MYO16: variants seen among roughly 807,000 people sequenced by gnomAD.
MYO16 encodes unconventional myosin-XVI.
MYO16 carries 94 observed loss-of-function variants against 205.3 expected under a neutral mutation model. The ratio of observed to expected loss-of-function variants is 0.46; its 90% CI spans 0.39 to 0.54. The LOEUF (loss-of-function observed/expected upper bound fraction) is 0.54, where lower values mean the gene tolerates loss of function less well. MYO16 is among the 20% of genes least tolerant of loss of function. MYO16 has a pLI of 0.00. For synonymous variants in MYO16, 988 were observed against 954.0 expected (o/e 1.04, Z -0.66); for missense variants, 2,315 against 2,387.5 (o/e 0.97, Z 0.63).
rs1345210943 is a variant in MYO16, at chr13:109,125,261, A to G, written c.3685A>G (p.Ile1229Val). The G allele has an allele frequency of 4.3e-6, 7 of 1,613,998 alleles. No homozygotes were observed. The highest frequency in any genetic ancestry group is 5.9e-6 in the Non-Finnish European group (7 of 1,180,024). Residue 1229 changes from isoleucine to valine, a missense_variant, in exon 30 of 35, where the codon ATT (isoleucine) becomes GTT (valine). Physicochemically the swap from Ile to Val is conservative, Grantham distance 29 (BLOSUM62 3). This residue lies in a region of MYO16 where 1,097 missense variants were observed against 1,092.0 expected (regional missense o/e 1.00). Transcript: ENST00000457511. The surrounding 1 kb of genome is among the most constrained non-coding windows in gnomAD (Gnocchi z 4.0). ...DALVIQNASD[I>V]ARENDRLRSE... ...CCTGGTCATTCAGAATGCTTCAGAC[A>G]TTGCCCGGGAAAATGACCGGCTCCG...
intron 1 of MYO16, among the ~76,000 whole-genome samples, chr13:108,602,897 C>T (rs538234045): frequency 1.2e-3 from 185 of 152,230 alleles, no homozygotes; most frequent in African/African-American, 4.3e-3. Context: ...AGTAGTGGAA[C>T]AGGTATGGAA....
intron 23 of MYO16, among the ~76,000 whole-genome samples, chr13:109,035,227 T>TC (rs1396292311): frequency 6.6e-6 from 1 of 152,008 alleles, no homozygotes; most frequent in Non-Finnish European, 1.5e-5. Context: ...GTTTTTTTTT[T>TC]CCCTCTACAA....
chr13:108,709,168 C>A (rs138122093), intron 2 of MYO16, among the ~76,000 whole-genome samples: 1 of 152,092 alleles, frequency 6.6e-6, no homozygotes, highest in Non-Finnish European at 1.5e-5. Context: ...GTTTCCTTGC[C>A]GATTTTGTCA....
chr13:108,782,378 C>A (rs1223539642), intron 4 of MYO16, among the ~76,000 whole-genome samples: 1 of 152,126 alleles, frequency 6.6e-6, no homozygotes, highest in Non-Finnish European at 1.5e-5. Flanking sequence ...GGGTATCTGG[C>A]AGAAGAAATG....
chr13:108,551,115 G>C, the MYO16 span, among the ~76,000 whole-genome samples: 1 of 152,086 alleles, frequency 6.6e-6, no homozygotes, highest in African/African-American at 2.4e-5. Context: ...CTTAAATAGG[G>C]GGGTTCTAAA....
At chr13:109,034,186 G>C (rs781415041) in intron 23 of MYO16, among the ~76,000 whole-genome samples, 1 of 152,132 alleles carries the variant, frequency 6.6e-6, no homozygotes, top group Non-Finnish European at 1.5e-5. Flanking sequence ...GCTACCCTTG[G>C]AAAAAGGAAT....
chr13:108,800,656 C>T (rs1057081604), intron 6 of MYO16, among the ~76,000 whole-genome samples: 4 of 152,170 alleles, frequency 2.6e-5, no homozygotes, highest in African/African-American at 9.7e-5. Flanking sequence ...TATTGGTCAA[C>T]AATCCTGACT....
At chr13:108,884,307 G>T (rs1014516813) in intron 13 of MYO16, among the ~76,000 whole-genome samples, 2 of 152,242 alleles carry the variant, frequency 1.3e-5, no homozygotes, top group South Asian at 4.1e-4. Context: ...GCACACTTTA[G>T]TTTTCTAGTT....
At chr13:108,913,428 A>G (rs1465318955) in intron 16 of MYO16, among the ~76,000 whole-genome samples, 1 of 152,158 alleles carries the variant, frequency 6.6e-6, no homozygotes, top group Non-Finnish European at 1.5e-5. Context: ...CACTTTTGCA[A>G]TGTCGGTTGG....
chr13:108,738,415 G>A (rs1175118826), intron 4 of MYO16, among the ~76,000 whole-genome samples: 1 of 66,978 alleles, frequency 1.5e-5, no homozygotes, highest in East Asian at 4.4e-4. Context: ...TCAGGAGCAG[G>A]TTGTGTTCAG....
At chr13:108,611,087 G>A (rs1470142559) in intron 1 of MYO16, among the ~76,000 whole-genome samples, 3 of 152,156 alleles carry the variant, frequency 2.0e-5, no homozygotes, top group African/African-American at 4.8e-5. Context: ...TGAAAATGAT[G>A]TGTATTCTGC....
chr13:108,904,798 A>G (rs1880881538), intron 15 of MYO16, among the ~76,000 whole-genome samples: 1 of 152,104 alleles, frequency 6.6e-6, no homozygotes, highest in Non-Finnish European at 1.5e-5. Context: ...TGGATACATG[A>G]CCACTTAGGG....
At chr13:108,817,260 G>A (rs2139007726) in intron 7 of MYO16, among the ~76,000 whole-genome samples, 1 of 152,276 alleles carries the variant, frequency 6.6e-6, no homozygotes, top group Non-Finnish European at 1.5e-5. Flanking sequence ...CTTATTCAAA[G>A]AGCCAGAAAC....
chr13:108,789,043 G>T (rs1035487264), intron 5 of MYO16, among the ~76,000 whole-genome samples: 7 of 152,146 alleles, frequency 4.6e-5, no homozygotes, highest in African/African-American at 1.7e-4. Context: ...TGGTTCTCAA[G>T]AATATCCTTG....
At chr13:108,949,914 CA>C (rs1365301965) in intron 16 of MYO16, among the ~76,000 whole-genome samples, 2 of 150,712 alleles carry the variant, frequency 1.3e-5, no homozygotes, top group Admixed American at 6.6e-5. Flanking sequence ...GATGAACATA[CA>C]AAACAATCGA....
At chr13:108,948,420 TTTTA>T (rs1306044371) in intron 16 of MYO16, among the ~76,000 whole-genome samples, 1 of 152,240 alleles carries the variant, frequency 6.6e-6, no homozygotes, top group Non-Finnish European at 1.5e-5. Context: ...GTAGTAACAT[TTTTA>T]TTTATACTTG....
At chr13:109,105,819 G>A (rs117093337) in intron 28 of MYO16, among the ~76,000 whole-genome samples, 3 of 152,266 alleles carry the variant, frequency 2.0e-5, no homozygotes, top group Non-Finnish European at 4.4e-5. Context: ...CATAGAATTT[G>A]AACTGGTCAC....
chr13:108,793,438 G>A (rs1886683649), intron 5 of MYO16, 78 bp from the exon 6 acceptor site: 1 of 1,411,616 alleles, frequency 7.1e-7, no homozygotes, highest in Non-Finnish European at 9.7e-7. Context: ...GAAAGAATAG[G>A]TTATAAAGCT....
chr13:108,935,102 G>A (rs550449047), intron 16 of MYO16, among the ~76,000 whole-genome samples: 9 of 152,064 alleles, frequency 5.9e-5, no homozygotes, highest in Non-Finnish European at 1.2e-4. Flanking sequence ...TTGGCTATTC[G>A]TGCTCTTTTT....
Sources: allele counts gnomAD v4.1 joint callset (sites outside exome capture counted in the v4.1 genomes callset), GRCh38; gene constraint gnomAD v4.1.1; regional missense constraint gnomAD v4.1.1; non-coding constraint Gnocchi (gnomAD v3.1); transcripts MANE v1.5; gene names NCBI Gene and HGNC (gene_info 2026-07-23, HGNC 2026-07-21).